ANO2: variants seen among roughly 807,000 people sequenced by gnomAD.
ANO2 encodes the protein anoctamin 2, also known as anoctamin-2.
In ANO2, 101 loss-of-function variants were observed where a neutral mutation model predicts 124.2. The ratio of observed to expected loss-of-function variants is 0.81; its 90% CI spans 0.69 to 0.96. The LOEUF (loss-of-function observed/expected upper bound fraction) is 0.96, where lower values mean the gene tolerates loss of function less well. Among genes scored for constraint, ANO2 ranks in the 40% least tolerant of loss-of-function variants. ANO2 has a pLI of 0.00. For missense variants in ANO2, 1,293 were observed against 1,274.5 expected (o/e 1.01, Z -0.22); for synonymous variants, 486 against 482.5 (o/e 1.01, Z -0.09).
At chr12:5,612,796 A>G (rs3741837) in intron 18 of ANO2, 40 bp from the exon 19 acceptor site, 1,262,908 of 1,611,700 alleles carry the variant, frequency 0.78, 495,588 homozygotes, top group Middle Eastern at 0.86. Context: ...TTAGAACAAA[A>G]GGGAGCTCTG....
At chr12:5,766,916 G>A (rs1951910345) in intron 10 of ANO2, among the ~76,000 whole-genome samples, 1 of 152,194 alleles carries the variant, frequency 6.6e-6, no homozygotes, top group African/African-American at 2.4e-5. Flanking sequence ...AAACAAGGCA[G>A]TAAGCCTTGA....
intron 10 of ANO2, among the ~76,000 whole-genome samples, chr12:5,751,341 A>G (rs1307227078): frequency 6.6e-6 from 1 of 152,240 alleles, no homozygotes; most frequent in Admixed American, 6.5e-5. Context: ...CACTCAACCC[A>G]TAAGAAAACA....
intron 4 of ANO2, chr12:5,851,966 A>G: frequency 1.4e-6 from 1 of 739,428 alleles, no homozygotes; most frequent in South Asian, 1.4e-5. Flanking sequence ...CCTCCTTTCC[A>G]AGGATCAGCA....
At chr12:5,659,213 T>C (rs1023654960) in intron 14 of ANO2, among the ~76,000 whole-genome samples, 6 of 152,150 alleles carry the variant, frequency 3.9e-5, no homozygotes, top group Non-Finnish European at 5.9e-5. Flanking sequence ...CTTTCTCTCT[T>C]TAGGTCTCCC....
chr12:5,717,988 G>A (rs1053104640), intron 14 of ANO2, among the ~76,000 whole-genome samples: 4 of 152,326 alleles, frequency 2.6e-5, no homozygotes, highest in Non-Finnish European at 4.4e-5. Flanking sequence ...AGTAAGGTTT[G>A]GAGAATCAGT....
intron 10 of ANO2, among the ~76,000 whole-genome samples, chr12:5,776,798 T>A (rs1045079283): frequency 6.6e-6 from 1 of 152,222 alleles, no homozygotes; most frequent in Non-Finnish European, 1.5e-5. Flanking sequence ...AATCTACATG[T>A]AGAATTTCAG....
intron 14 of ANO2, among the ~76,000 whole-genome samples, chr12:5,731,964 G>C (rs1950658383): frequency 6.6e-6 from 1 of 152,196 alleles, no homozygotes. Flanking sequence ...TGGCATAGCG[G>C]TTAGAGGCAC....
At chr12:5,622,670 G>A (rs1945171271) in intron 16 of ANO2, among the ~76,000 whole-genome samples, 1 of 152,160 alleles carries the variant, frequency 6.6e-6, no homozygotes. Context: ...GAGACTACAT[G>A]GCTGAAGAAA....
intron 14 of ANO2, among the ~76,000 whole-genome samples, chr12:5,729,910 C>T (rs1950570858): frequency 6.6e-6 from 1 of 152,144 alleles, no homozygotes; most frequent in Non-Finnish European, 1.5e-5. Context: ...CTAAGGACCG[C>T]ATATTCTATA....
At chr12:5,651,115 G>A (rs1946895857) in intron 14 of ANO2, among the ~76,000 whole-genome samples, 1 of 152,222 alleles carries the variant, frequency 6.6e-6, no homozygotes, top group African/African-American at 2.4e-5. Flanking sequence ...ATCAAAAGCA[G>A]GTGACTATAA....
At chr12:5,620,190 A>G (rs113861260) in intron 16 of ANO2, among the ~76,000 whole-genome samples, 2 of 152,374 alleles carry the variant, frequency 1.3e-5, no homozygotes, top group African/African-American at 4.8e-5. Context: ...GTTCTAAGAA[A>G]GACCTGCAGT....
chr12:5,666,559 GA>G (rs200722447), intron 14 of ANO2, among the ~76,000 whole-genome samples: 14 of 150,688 alleles, frequency 9.3e-5, no homozygotes, highest in African/African-American at 2.4e-4. Context: ...GACCCAGAAG[GA>G]AAAAAAAATT....
chr12:5,621,010 T>A (rs900314801), intron 16 of ANO2, among the ~76,000 whole-genome samples: 1 of 152,144 alleles, frequency 6.6e-6, no homozygotes, highest in Non-Finnish European at 1.5e-5. Flanking sequence ...ATCCCCATCT[T>A]TGGCCTGATT....
At chr12:5,851,009 G>A (rs1169113033) in intron 4 of ANO2, among the ~76,000 whole-genome samples, 1 of 151,060 alleles carries the variant, frequency 6.6e-6, no homozygotes, top group Admixed American at 6.6e-5. Flanking sequence ...ATGGGATGAC[G>A]TCCCCAAACC....
chr12:5,578,109 G>A, intron 21 of ANO2, 102 bp from the exon 22 acceptor site: 1 of 1,400,134 alleles, frequency 7.1e-7, no homozygotes. Context: ...CTACGGAGCA[G>A]CTTTGCTGGG....
chr12:5,807,156 C>T (rs1953222716), intron 8 of ANO2, among the ~76,000 whole-genome samples, 157 bp downstream of exon 8: 1 of 152,184 alleles, frequency 6.6e-6, no homozygotes, highest in Non-Finnish European at 1.5e-5. Flanking sequence ...GGATTATTGT[C>T]AGCAATGAGT....
chr12:5,893,136 T>G (rs1939523616), intron 3 of ANO2, among the ~76,000 whole-genome samples: 1 of 152,134 alleles, frequency 6.6e-6, no homozygotes, highest in South Asian at 2.1e-4. Flanking sequence ...AACCATAACA[T>G]TTCTAGAATA....
intron 9 of ANO2, among the ~76,000 whole-genome samples, chr12:5,800,187 A>C (rs1952996789): frequency 6.6e-6 from 1 of 152,170 alleles, no homozygotes; most frequent in Non-Finnish European, 1.5e-5. Flanking sequence ...TCTTGTGCAA[A>C]TGCCCCAAGG....
intron 16 of ANO2, among the ~76,000 whole-genome samples, chr12:5,627,389 G>A (rs1205490325): frequency 6.6e-6 from 1 of 152,128 alleles, no homozygotes; most frequent in Non-Finnish European, 1.5e-5. Flanking sequence ...CAACTTTCAG[G>A]CCAGATTGCA....
Sources: gnomAD v4.1 joint callset for allele counts (sites outside exome capture counted in the v4.1 genomes callset) on GRCh38, gnomAD v4.1.1 for gene constraint, MANE v1.5 for transcripts, NCBI Gene and HGNC (gene_info 2026-07-23, HGNC 2026-07-21) for gene names.